IQGAP1: variants seen among roughly 807,000 people sequenced by gnomAD.
The protein encoded by IQGAP1 is IQ motif containing GTPase activating protein 1.
Under a neutral mutation model 215.6 loss-of-function variants are expected in IQGAP1, and 66 were observed. The ratio of observed to expected loss-of-function variants is 0.31; its 90% confidence interval spans 0.25 to 0.38. The LOEUF (loss-of-function observed/expected upper bound fraction) is 0.38. IQGAP1 is among the 10% of genes least tolerant of loss of function. The pLI is 1.00. For synonymous variants in IQGAP1, 772 were observed against 728.7 expected (o/e 1.06, Z -0.96); for missense variants, 1,712 against 1,997.1 (o/e 0.86, Z 2.72).
chr15:90,479,167 G>A (rs1445341769), intron 26 of IQGAP1, among the ~76,000 whole-genome samples: 4 of 152,120 alleles, frequency 2.6e-5, no homozygotes, highest in African/African-American at 9.7e-5. Context: ...TATTCAAAGT[G>A]TGGTTTGCAC....
rs145556029 is a variant in IQGAP1, at chr15:90,419,070, G to A, written c.156-7040G>A. Among the ~76,000 whole-genome samples, 1,047 of 150,718 alleles carry A rather than the reference G, an allele frequency of 6.9e-3. 12 individuals carry two copies. The highest frequency in any genetic ancestry group is 0.024 in the African/African-American group (999 of 40,960). ...GCTAGGTAGGAGGATCCAGAGGATC[G>A]CTTGAACCCTGAAAGTCAAGGCTGC... On this transcript the variant is annotated intron_variant, in intron 2 of 37. Transcript: ENST00000268182.
Position 90,474,082 on chromosome 15 carries a change from A to C in IQGAP1, c.2524A>C (p.Ile842Leu), listed in dbSNP as rs768832456. The C allele has an allele frequency of 9.9e-6, 16 of 1,613,456 alleles. 1 individual carries two copies. In the South Asian group the frequency reaches 1.8e-4, roughly 18 times the overall value. ...TCCTTAGATAAATGACATTATCAAAATCCAGGCTTTTATTCGGGCAAACAA... is the reference window on the plus strand; with the variant it reads ...TCCTTAGATAAATGACATTATCAAACTCCAGGCTTTTATTCGGGCAAACAA... The part of the protein sequence containing the change: ...FRDHINDIIK[I>L]QAFIRANKAR... Residue 842 changes from isoleucine to leucine, a missense_variant, in exon 22 of 38, where the codon ATC becomes CTC. Ile to Leu is a conservative substitution (Grantham distance 5). This residue lies in a region of IQGAP1 where 1,021 missense variants were observed against 1,074.2 expected (regional missense o/e 0.95). Transcript: ENST00000268182.
intron 15 of IQGAP1, among the ~76,000 whole-genome samples, chr15:90,459,578 C>A (rs1965732968): frequency 6.6e-6 from 1 of 152,192 alleles, no homozygotes; most frequent in Non-Finnish European, 1.5e-5. Context: ...ACTTTTCAGA[C>A]TTCATCAAAG....
At position 90,492,645 on chromosome 15, in the gene IQGAP1, G is replaced by A. The variant is rs142951822; in HGVS notation, c.4562G>A (p.Gly1521Glu). 5.4e-5 allele frequency: 87 copies of A among 1,614,014 alleles called. No homozygotes were observed. In the African/African-American group the frequency reaches 1.0e-3, roughly 19 times the overall value. Residue 1521 changes from glycine to glutamate, a missense_variant, in exon 35 of 38, where the codon GGG becomes GAG. Physicochemically the swap from Gly to Glu is moderately conservative, Grantham distance 98 (BLOSUM62 -2). This residue lies in a region of IQGAP1 where 691 missense variants were observed against 923.0 expected (regional missense o/e 0.75). Transcript: ENST00000268182. ...CTGAACTCTAAGGCCACCTTTTATG[G>A]GGAGCAGGTGGATTACTATAAAAGC... ...AALNSKATFYGEQVDYYKSYI... is the reference protein window; with the variant it reads ...AALNSKATFYEEQVDYYKSYI...
At chr15:90,441,725 A>G in intron 8 of IQGAP1, 41 bp downstream of exon 8, 2 of 1,396,008 alleles carry the variant, frequency 1.4e-6, no homozygotes, top group Non-Finnish European at 2.0e-6. Flanking sequence ...AATTTATATT[A>G]TTCCGTCATT....
intron 17 of IQGAP1, 39 bp downstream of exon 17, chr15:90,466,475 C>A (rs1345287547): frequency 1.9e-6 from 3 of 1,599,882 alleles, no homozygotes; most frequent in South Asian, 1.1e-5. Flanking sequence ...CTGAAGCTAA[C>A]CCTTGAGTAT....
chr15:90,413,697 A>G (rs531978321), intron 2 of IQGAP1, among the ~76,000 whole-genome samples: 1 of 152,338 alleles, frequency 6.6e-6, no homozygotes, highest in East Asian at 1.9e-4. Flanking sequence ...TAAATTCCTC[A>G]GATAAGAAGT....
intron 2 of IQGAP1, among the ~76,000 whole-genome samples, chr15:90,423,325 C>A (rs1169824680): frequency 6.6e-6 from 1 of 152,080 alleles, no homozygotes; most frequent in African/African-American, 2.4e-5. Context: ...CTTCTACCTC[C>A]CAGGTTAAAG....
chr15:90,409,028 A>G (rs1964919133), intron 2 of IQGAP1, among the ~76,000 whole-genome samples: 2 of 152,030 alleles, frequency 1.3e-5, no homozygotes, highest in East Asian at 1.9e-4. Context: ...TTAACCTTCT[A>G]TGTGTGATCT....
intron 2 of IQGAP1, chr15:90,393,530 G>A (rs942974922): frequency 7.2e-5 from 11 of 152,042 alleles, no homozygotes; most frequent in Non-Finnish European, 1.2e-4. Context: ...AAGGAGGGCC[G>A]ACTGTATTTT....
chr15:90,492,263 C>CA lies in IQGAP1; in HGVS notation c.4462-274dup, dbSNP rs199840539. On this transcript the variant is annotated intron_variant, in intron 34 of 37. Coordinates refer to ENST00000268182, the MANE Select transcript of IQGAP1 (RefSeq NM_003870.4). ...AGGATCGCTTGAGACCCCATCTCTA[C>CA]AAAAAAAAGTTTTTTAATTAGCCAG... is the stretch of plus-strand genomic sequence containing the variant. 8.7e-3 allele frequency among the ~76,000 whole-genome samples: 1,319 copies of CA among 151,470 alleles called. 17 individuals carry two copies. The highest frequency in any genetic ancestry group is 0.03 in the African/African-American group (1,254 of 41,300).
intron 2 of IQGAP1, among the ~76,000 whole-genome samples, chr15:90,420,370 C>T (rs1359652551): frequency 1.3e-5 from 2 of 152,128 alleles, no homozygotes; most frequent in South Asian, 2.1e-4. Context: ...TCACATTATG[C>T]TTTTATTTTT....
chr15:90,464,062 T>A (rs1232879178), intron 15 of IQGAP1, among the ~76,000 whole-genome samples: 1 of 152,202 alleles, frequency 6.6e-6, no homozygotes, highest in Non-Finnish European at 1.5e-5. Context: ...GTTATGGTGA[T>A]TTACTAAGTT....
intron 11 of IQGAP1, among the ~76,000 whole-genome samples, chr15:90,452,242 T>C (rs1965613810): frequency 6.6e-6 from 1 of 152,114 alleles, no homozygotes; most frequent in Non-Finnish European, 1.5e-5. Context: ...AAGGGATCGC[T>C]AAGATTTGGA....
At chr15:90,392,630 A>G (rs1324453720) in intron 2 of IQGAP1, among the ~76,000 whole-genome samples, 1 of 152,168 alleles carries the variant, frequency 6.6e-6, no homozygotes, top group Non-Finnish European at 1.5e-5. Context: ...CCCTCCCCCA[A>G]ACACTACCAA....
chr15:90,409,347 C>G (rs1267245139), intron 2 of IQGAP1, among the ~76,000 whole-genome samples: 1 of 151,368 alleles, frequency 6.6e-6, no homozygotes, highest in Non-Finnish European at 1.5e-5. Flanking sequence ...AAGCGATTCT[C>G]CTGCCTCAGC....
rs1446447280 is a variant in IQGAP1, at chr15:90,456,264, G to T, written c.1725G>T (p.Val575=). ...AAKLEGVLAE[V]AQHYQDTLIR... The stretch of plus-strand genomic sequence containing the variant: ...AACTTGAGGGAGTCCTTGCAGAAGT[G>T]GCCCAGCATTACCAAGACACGCTGA... The change falls in exon 15 of 38, where the codon GTG becomes GTT. Residue 575 remains valine (V), a synonymous_variant. Transcript: ENST00000268182. The T allele has an allele frequency of 2.5e-6, 4 of 1,614,068 alleles. No homozygotes were observed. Among genetic ancestry groups the T allele is most frequent in the Non-Finnish European group, 3.4e-6 (4 of 1,179,980 alleles).
At chr15:90,454,291 T>C in intron 13 of IQGAP1, 137 bp from the exon 14 acceptor site, 1 of 849,910 alleles carries the variant, frequency 1.2e-6, no homozygotes, top group Non-Finnish European at 1.8e-6. Context: ...TTTTTGCACT[T>C]TGTTTAAAGT....
chr15:90,497,461 T>A (rs921973486), intron 37 of IQGAP1, 121 bp downstream of exon 37: 3 of 606,840 alleles, frequency 4.9e-6, no homozygotes, highest in Non-Finnish European at 3.0e-6. Flanking sequence ...TGAGCTAGGC[T>A]CCACACTGCG....
Sources: allele counts gnomAD v4.1 joint callset (sites outside exome capture counted in the v4.1 genomes callset), GRCh38; gene constraint gnomAD v4.1.1; regional missense constraint gnomAD v4.1.1; transcripts MANE v1.5; gene names NCBI Gene and HGNC (gene_info 2026-07-23, HGNC 2026-07-21).